The following TNS3 variants were observed in gnomAD, a reference collection of about 807,000 sequenced individuals.
TNS3 encodes the protein tensin 3, also known as tensin-3.
In TNS3, 45 loss-of-function variants were observed where a neutral mutation model predicts 140.9. The ratio of observed to expected loss-of-function variants is 0.32; its 90% confidence interval spans 0.25 to 0.41. The LOEUF is 0.41. Ranked by LOEUF, TNS3 falls within the 10% of genes least tolerant of loss-of-function variation. TNS3 has a pLI of 1.00. For synonymous variants in TNS3, 815 were observed against 788.4 expected (o/e 1.03, Z -0.56); for missense variants, 1,716 against 1,906.7 (o/e 0.90, Z 1.86).
chr7:47,488,059 G>A (rs995902445), intron 3 of TNS3, among the ~76,000 whole-genome samples: 4 of 152,314 alleles, frequency 2.6e-5, no homozygotes, highest in Middle Eastern at 3.4e-3. Flanking sequence ...CTGGTTGCAA[G>A]GAGGGTGGAG....
intron 27 of TNS3, among the ~76,000 whole-genome samples, chr7:47,289,815 T>C (rs753330944): frequency 1.1e-4 from 16 of 152,232 alleles, no homozygotes; most frequent in Non-Finnish European, 2.4e-4. Flanking sequence ...GTGTCAGTTC[T>C]TCCTAATTTC....
intron 16 of TNS3, among the ~76,000 whole-genome samples, chr7:47,379,098 G>T (rs771289536): frequency 2.4e-4 from 37 of 152,218 alleles, no homozygotes; most frequent in Non-Finnish European, 4.7e-4. Flanking sequence ...GGGTTGAATG[G>T]GGTTAACAAT....
At chr7:47,539,495 TG>T (rs1414204571) in intron 1 of TNS3, 10 of 260,362 alleles carry the variant, frequency 3.8e-5, no homozygotes, top group Non-Finnish European at 6.0e-5. Context: ...CCCCCGACTC[TG>T]ACCTCCTCCT....
intron 4 of TNS3, among the ~76,000 whole-genome samples, chr7:47,474,598 T>C (rs1279060629): frequency 1.0e-4 from 9 of 88,800 alleles, no homozygotes; most frequent in Non-Finnish European, 2.1e-4. Context: ...AAGACACACC[T>C]CACACACAAA....
rs531714021 is a variant in TNS3, at chr7:47,357,023, G to C, written c.2282-10667C>G. Among the ~76,000 whole-genome samples, 36 of 152,234 alleles carry C rather than the reference G, an allele frequency of 2.4e-4. 1 individual carries two copies. The Middle Eastern group carries it at 0.017, about 72-fold the overall frequency. On this transcript the variant is annotated intron_variant, in intron 17 of 30. Transcript: ENST00000311160. ...GGATCAATTGAGCCCAGGAGGTCAA[G>C]GATGCAGTGAGCTGTGATCACACCA...
At chr7:47,455,274 T>G (rs1796200755) in intron 4 of TNS3, among the ~76,000 whole-genome samples, 1 of 152,020 alleles carries the variant, frequency 6.6e-6, no homozygotes, top group South Asian at 2.1e-4. Flanking sequence ...CCTGGCCAAC[T>G]CTGATGGGCA....
At chr7:47,430,202 C>A (rs1287580599) in intron 8 of TNS3, among the ~76,000 whole-genome samples, 2 of 150,720 alleles carry the variant, frequency 1.3e-5, no homozygotes, top group Non-Finnish European at 2.9e-5. Flanking sequence ...GATCTTGGCT[C>A]ACGGCAACCT....
chr7:47,315,589 A>G (rs7797600), intron 20 of TNS3, among the ~76,000 whole-genome samples: 1,527 of 152,328 alleles, frequency 0.01, 28 homozygotes, highest in African/African-American at 0.035. Flanking sequence ...TACATGACAT[A>G]TAAGTTAACA....
At chr7:47,291,426 C>T (rs1022351480) in intron 27 of TNS3, among the ~76,000 whole-genome samples, 2 of 152,062 alleles carry the variant, frequency 1.3e-5, no homozygotes, top group Admixed American at 1.3e-4. Context: ...GGAGGCTATG[C>T]GTGTATATGG....
intron 13 of TNS3, chr7:47,403,187 C>G (rs529072533): frequency 1.5e-4 from 23 of 152,938 alleles, no homozygotes; most frequent in African/African-American, 5.5e-4. Flanking sequence ...GATGCTCCCC[C>G]AGGTCCCCCC....
intron 20 of TNS3, among the ~76,000 whole-genome samples, chr7:47,313,697 A>G (rs138520421): frequency 4.5e-4 from 69 of 152,104 alleles, no homozygotes; most frequent in African/African-American, 1.6e-3. Flanking sequence ...GCTCTAGAAG[A>G]CCCCATGCCA....
chr7:47,303,663 G>C, intron 21 of TNS3, 79 bp from the exon 22 acceptor site: 1 of 1,456,066 alleles, frequency 6.9e-7, no homozygotes, highest in East Asian at 2.5e-5. Context: ...TCACCCACAC[G>C]GGAAGACAGG....
chr7:47,525,061 T>A (rs1385883940), intron 2 of TNS3, among the ~76,000 whole-genome samples: 2 of 152,102 alleles, frequency 1.3e-5, no homozygotes, highest in Non-Finnish European at 2.9e-5. Context: ...GAAAAACCAG[T>A]GCTACACTGG....
intron 13 of TNS3, 39 bp from the exon 14 acceptor site, chr7:47,400,953 C>T (rs371888624): frequency 1.7e-5 from 28 of 1,611,202 alleles, no homozygotes; most frequent in Non-Finnish European, 2.3e-5. Context: ...GTAGCTGCAG[C>T]GGGGGACACA....
chr7:47,393,781 C>T (rs978662540), intron 16 of TNS3, among the ~76,000 whole-genome samples: 4 of 151,928 alleles, frequency 2.6e-5, no homozygotes, highest in African/African-American at 7.3e-5. Context: ...GCTGCCTTGG[C>T]GCCCTATCCG....
intron 2 of TNS3, among the ~76,000 whole-genome samples, chr7:47,522,228 G>A (rs921057911): frequency 1.3e-5 from 2 of 152,236 alleles, no homozygotes; most frequent in African/African-American, 4.8e-5. Context: ...TAAAGCCTCT[G>A]TGCATCAGCA....
intron 4 of TNS3, among the ~76,000 whole-genome samples, chr7:47,473,323 T>A (rs547871663): frequency 6.6e-6 from 1 of 152,328 alleles, no homozygotes; most frequent in East Asian, 1.9e-4. Context: ...CTCTGCTTCC[T>A]GGAGATCAGA....
chr7:47,461,621 T>A lies in TNS3; in HGVS notation c.-76+19482A>T, dbSNP rs1796495236. On this transcript the variant is annotated intron_variant, in intron 4 of 30. Coordinates refer to ENST00000311160, the MANE Select transcript of TNS3 (RefSeq NM_022748.12). The stretch of plus-strand genomic sequence containing the variant: ...TGCCTGAAGCCAGCAGGCTGGGCTC[T>A]GCAGTCCCGCACTGTGTTTCTTCTG... Among the ~76,000 whole-genome samples the A allele has an allele frequency of 2.0e-5, 3 of 152,390 alleles. No individual in the cohort carries two copies. In the South Asian group the frequency reaches 6.2e-4, roughly 32 times the overall value.
chr7:47,442,800 G>A (rs1391917370), intron 4 of TNS3, among the ~76,000 whole-genome samples: 2 of 152,088 alleles, frequency 1.3e-5, no homozygotes, highest in African/African-American at 2.4e-5. Flanking sequence ...CCCGAGTTGG[G>A]GGGACACAGA....
Sources: allele counts gnomAD v4.1 joint callset (sites outside exome capture counted in the v4.1 genomes callset), GRCh38; gene constraint gnomAD v4.1.1; transcripts MANE v1.5; gene names NCBI Gene and HGNC (gene_info 2026-07-23, HGNC 2026-07-21).